SRRM3: variants seen among roughly 807,000 people sequenced by gnomAD.
SRRM3 encodes serine/arginine repetitive matrix protein 3.
Under a neutral mutation model 66.2 loss-of-function variants are expected in SRRM3, and 27 were observed. The observed-to-expected ratio is 0.41, with a 90% CI of 0.30 to 0.56. The LOEUF (loss-of-function observed/expected upper bound fraction) is 0.56. Among genes scored for constraint, SRRM3 ranks in the 20% least tolerant of loss-of-function variants. The pLI, the probability that SRRM3 is intolerant of heterozygous loss-of-function variation, is 0.32. For missense variants in SRRM3, 918 were observed against 991.9 expected, an observed-to-expected ratio of 0.93 and a Z score of 1.00; for synonymous variants, 391 against 414.9, an observed-to-expected ratio of 0.94 and a Z score of 0.70.
At chr7:76,262,385 A>G (rs1338560656) in intron 8 of SRRM3, among the ~76,000 whole-genome samples, 2 of 152,012 alleles carry the variant, frequency 1.3e-5, no homozygotes, top group Non-Finnish European at 1.5e-5. Context: ...AAGCGCCTGT[A>G]ATCCCAGCTA....
chr7:76,256,351 A>T (rs1554607681), intron 3 of SRRM3, among the ~76,000 whole-genome samples: 1 of 152,098 alleles, frequency 6.6e-6, no homozygotes, highest in Non-Finnish European at 1.5e-5. Context: ...TACTAAAAAT[A>T]CAAAAATTGG....
chr7:76,279,937 G>C lies in SRRM3; in HGVS notation c.1009-1504G>C, dbSNP rs192132081. On this transcript the variant is annotated intron_variant, in intron 11 of 14. Transcript: ENST00000611745. The stretch of plus-strand genomic sequence containing the variant: ...GCGGCGTGGCCTCTTCTCAGGCCTA[G>C]AATGGGGTGGTTGCGTTTCTCTCTC... 2.8e-3 allele frequency among the ~76,000 whole-genome samples: 424 copies of C among 152,222 alleles called. 4 individuals are homozygous for C. Among genetic ancestry groups the C allele is most frequent in the African/African-American group, 9.6e-3 (398 of 41,546 alleles).
intron 1 of SRRM3, among the ~76,000 whole-genome samples, chr7:76,223,925 C>T (rs1221200395): frequency 1.0e-5 from 1 of 95,648 alleles, no homozygotes; most frequent in Non-Finnish European, 2.1e-5. Context: ...CCCCAACTTG[C>T]CCCCCTCCCC....
intron 5 of SRRM3, among the ~76,000 whole-genome samples, chr7:76,260,652 C>A (rs1313866500): frequency 4.6e-5 from 7 of 151,862 alleles, no homozygotes; most frequent in Non-Finnish European, 1.0e-4. Context: ...CTGACCGGGC[C>A]CGTGTGTTAC....
At position 76,267,420 on chromosome 7, in the gene SRRM3, G is replaced by T. The variant is rs1554609932; in HGVS notation, c.993G>T (p.Ala331=). The part of the protein sequence containing the change: ...SGAHGGRPGS[A]HSPPDKPSSP... ...CGCACGGGGGCCGCCCCGGCTCGGCGCACAGCCCGCCCGATGTACGTACGC... is the reference window on the plus strand; with the variant it reads ...CGCACGGGGGCCGCCCCGGCTCGGCTCACAGCCCGCCCGATGTACGTACGC... The change falls in exon 11 of 15, where the codon GCG becomes GCT. Residue 331 remains alanine (A), a synonymous_variant. Coordinates refer to ENST00000611745, the MANE Select transcript of SRRM3 (RefSeq NM_001110199.3). 3 of 1,369,984 alleles carry T rather than the reference G, an allele frequency of 2.2e-6. No individual in the cohort carries two copies. Among genetic ancestry groups the T allele is most frequent in the East Asian group, 3.1e-5 (1 of 32,300 alleles). 84.9% of individuals were successfully genotyped at this position (1,369,984 alleles called of 1,614,324 possible). A position where few individuals can be genotyped will look rare whatever the true frequency, so the allele number is the denominator to read the frequency against.
rs1202084235 is a variant in SRRM3, at chr7:76,256,711, T to C, written c.336-3195T>C. ...GTTTTGGTGGGTTTTGGCCGGCTTC[T>C]TTTTCTTTTTTTTTTTTTTTGGAGT... is the stretch of plus-strand genomic sequence containing the variant. On this transcript the variant is annotated intron_variant, in intron 3 of 14. Coordinates refer to ENST00000611745, the MANE Select transcript of SRRM3 (RefSeq NM_001110199.3). Among the ~76,000 whole-genome samples the C allele has an allele frequency of 1.6e-4, 24 of 149,880 alleles. No individual in the cohort carries two copies. The East Asian group carries it at 3.3e-3, about 21-fold the overall frequency.
At position 76,265,358 on chromosome 7, in the gene SRRM3, C is replaced by T. The variant is rs782526708; in HGVS notation, c.726-6C>T. On this transcript the variant is annotated splice_region_variant and splice_polypyrimidine_tract_variant and intron_variant, in intron 9 of 14. Transcript: ENST00000611745. ...GGTACAGGCTGATTTCCCCCATCCA[C>T]GCCAGGCCTCACACAGAGTCCCCAG... 8.8e-6 allele frequency: 14 copies of T among 1,591,968 alleles called. No homozygotes were observed. The highest frequency in any genetic ancestry group is 8.7e-5 in the Admixed American group (5 of 57,658).
At chr7:76,233,344 C>A (rs564709015) in intron 1 of SRRM3, among the ~76,000 whole-genome samples, 2 of 152,106 alleles carry the variant, frequency 1.3e-5, no homozygotes, top group African/African-American at 4.8e-5. Flanking sequence ...GGATGAGGGA[C>A]CCAACTTGAT....
At position 76,217,085 on chromosome 7, in the gene SRRM3, C is replaced by T. The variant is rs551985858; in HGVS notation, c.-40+15018C>T. On this transcript the variant is annotated intron_variant, in intron 1 of 14. Transcript: ENST00000611745. ...AAGGGGCCGGACTGTCTGTCCAGCA[C>T]ACACCCTTCCTGCTGATAGCTCTGG... Among the ~76,000 whole-genome samples the T allele has an allele frequency of 2.6e-5, 4 of 152,326 alleles. No homozygotes were observed. The South Asian group carries it at 8.3e-4, about 32-fold the overall frequency.
chr7:76,204,407 C>T (rs1245273173), intron 1 of SRRM3, among the ~76,000 whole-genome samples: 1 of 152,192 alleles, frequency 6.6e-6, no homozygotes, highest in African/African-American at 2.4e-5. Context: ...CTCACATAAC[C>T]TGGACCCAAA....
intron 11 of SRRM3, among the ~76,000 whole-genome samples, chr7:76,271,366 A>G (rs1369529279): frequency 1.3e-5 from 2 of 152,112 alleles, no homozygotes; most frequent in Non-Finnish European, 2.9e-5. Context: ...AGTCTCATCT[A>G]CTGAGGGAGA....
chr7:76,263,905 A>AAAAAAAAAG (rs1563633331), intron 8 of SRRM3, among the ~76,000 whole-genome samples: 2 of 143,652 alleles, frequency 1.4e-5, no homozygotes, highest in African/African-American at 5.5e-5. Context: ...AAAAAAAAAA[A>AAAAAAAAAG]GCAGGGACAT....
intron 1 of SRRM3, among the ~76,000 whole-genome samples, chr7:76,215,622 C>T (rs1487120669): frequency 2.1e-4 from 29 of 138,986 alleles, no homozygotes; most frequent in African/African-American, 7.8e-4. Context: ...GTTGCCCAGT[C>T]TGGTTTTTTT....
chr7:76,266,333 T>G (rs1489565252), intron 10 of SRRM3, among the ~76,000 whole-genome samples: 2 of 116,666 alleles, frequency 1.7e-5, no homozygotes, highest in African/African-American at 3.6e-5. Context: ...TAAATATTAA[T>G]ATATATTTCA....
Position 76,235,389 on chromosome 7 carries a change from C to T in SRRM3, c.233+90C>T, listed in dbSNP as rs1228455091. ...TGATGCTGCACGTGGGCGTGGCGAA[C>T]GTCGTGGGCGGGGAGAAGGGCGGGG... On this transcript the variant is annotated intron_variant, in intron 2 of 14. Transcript: ENST00000611745. 8 of 1,045,328 alleles carry T rather than the reference C, an allele frequency of 7.7e-6. No homozygotes were observed. In the Admixed American group the frequency reaches 2.2e-4, roughly 29 times the overall value. 64.8% of individuals were successfully genotyped at this position (1,045,328 alleles called of 1,614,324 possible). A position where few individuals can be genotyped will look rare whatever the true frequency, so the allele number is the denominator to read the frequency against.
intron 3 of SRRM3, among the ~76,000 whole-genome samples, chr7:76,251,341 G>A (rs1206828733): frequency 6.6e-6 from 1 of 152,094 alleles, no homozygotes; most frequent in Non-Finnish European, 1.5e-5. Flanking sequence ...ATTTAAGGCT[G>A]GGTACGGTGG....
intron 2 of SRRM3, among the ~76,000 whole-genome samples, chr7:76,242,341 T>C (rs146209953): frequency 0.079 from 11,958 of 152,002 alleles, 1,108 homozygotes; most frequent in African/African-American, 0.22. Flanking sequence ...AAAAATTAGC[T>C]GGGCGTGGGG....
In SRRM3 at chr7:76,286,147, A is replaced by C; in HGVS notation, c.*304A>C. The C allele has an allele frequency of 2.1e-6, 1 of 473,924 alleles. No homozygotes were observed. 29.4% of individuals were successfully genotyped at this position (473,924 alleles called of 1,614,324 possible). On this transcript the variant is annotated 3_prime_UTR_variant, in exon 15 of 15. Coordinates refer to ENST00000611745, the MANE Select transcript of SRRM3 (RefSeq NM_001110199.3). ...CCCATCCCCCTTCCTGCTGATGCCA[A>C]CTCACCAGGCTTGGGACTGCTGCCG...
In SRRM3 at chr7:76,211,109, G is replaced by A. The variant is rs570161175; in HGVS notation, c.-40+9042G>A. Reference sequence around the variant, plus strand: ...TTACAGGCGTGAGCCACTGCGCCCAGCCAAGAATGTTTTTTAGATGGACTA... The same window carrying A: ...TTACAGGCGTGAGCCACTGCGCCCAACCAAGAATGTTTTTTAGATGGACTA... On this transcript the variant is annotated intron_variant, in intron 1 of 14. Coordinates refer to ENST00000611745, the MANE Select transcript of SRRM3 (RefSeq NM_001110199.3). Among the ~76,000 whole-genome samples the A allele has an allele frequency of 5.6e-4, 86 of 152,218 alleles. 1 individual carries two copies. The highest frequency in any genetic ancestry group is 1.1e-3 in the Non-Finnish European group (73 of 68,046).
Sources: gnomAD v4.1 joint callset for allele counts (sites outside exome capture counted in the v4.1 genomes callset) on GRCh38, gnomAD v4.1.1 for gene constraint, MANE v1.5 for transcripts, NCBI Gene and HGNC (gene_info 2026-07-23, HGNC 2026-07-21) for gene names.